Variants in TNFRSF25 observed in about 807,000 individuals in gnomAD.
TNFRSF25 encodes the protein TNF receptor superfamily member 25.
Under a neutral mutation model 49.4 loss-of-function variants are expected in TNFRSF25, and 28 were observed. The ratio of observed to expected loss-of-function variants is 0.57; its 90% confidence interval spans 0.42 to 0.78. The LOEUF (loss-of-function observed/expected upper bound fraction) is 0.78. TNFRSF25 is among the 30% of genes least tolerant of loss of function. TNFRSF25 has a pLI of 0.00. For missense variants in TNFRSF25, 531 were observed against 581.6 expected (o/e 0.91, Z 0.90); for synonymous variants, 240 against 234.2 (o/e 1.02, Z -0.23).
At chr1:6,465,916 A>C in intron 1 of TNFRSF25, 153 bp downstream of exon 1, 1 of 1,434,722 alleles carries the variant, frequency 7.0e-7, no homozygotes, top group Non-Finnish European at 9.1e-7. Flanking sequence ...TGGAAGGGCT[A>C]CGCCCTGGAG....
chr1:6,465,537 C>T lies in TNFRSF25; in HGVS notation c.63G>A (p.Gly21=), dbSNP rs767152475. 5.0e-6 allele frequency: 8 copies of T among 1,613,454 alleles called. No individual in the cohort carries two copies. The highest frequency in any genetic ancestry group is 5.9e-6 in the Non-Finnish European group (7 of 1,179,892). ...VAAALLLVLL[G]ARAQGGTRSP... is the part of the protein sequence containing the mutation. The stretch of plus-strand genomic sequence containing the variant: ...TACGAGTGCCGCCCTGGGCCCGGGC[C>T]CCCAGCAGCACCAGGAGGAGCGCCT... Residue 21 remains glycine, a synonymous_variant, in exon 2 of 10, where the codon GGG becomes GGA. Transcript: ENST00000356876.
In TNFRSF25 at chr1:6,461,975, G is replaced by A; in HGVS notation, c.925+19C>T. 6.3e-7 allele frequency: 1 copy of A among 1,590,640 alleles called. No homozygotes were observed. Among genetic ancestry groups the A allele is most frequent in the Non-Finnish European group, 8.5e-7 (1 of 1,170,372 alleles). On this transcript the variant is annotated intron_variant, in intron 9 of 9. Coordinates refer to ENST00000356876, the MANE Select transcript of TNFRSF25 (RefSeq NM_003790.3). This position sits in a 1 kb window ranked among gnomAD's most constrained non-coding sequence, Gnocchi z 6.3. Reference sequence around the variant, plus strand: ...ACAGGAGAATGGGGTCAAGGCCTCAGGCCACTGATGTCCCTTACCAAGAGC... The same window carrying A: ...ACAGGAGAATGGGGTCAAGGCCTCAAGCCACTGATGTCCCTTACCAAGAGC...
rs1331069258 is a variant in TNFRSF25 at position 6,464,728 on chromosome 1, G to A, written c.296-9C>T. The A allele has an allele frequency of 3.1e-6, 5 of 1,611,334 alleles. No individual in the cohort carries two copies. The highest frequency in any genetic ancestry group is 3.3e-5 in the Admixed American group (2 of 59,990). On this transcript the variant is annotated splice_polypyrimidine_tract_variant and intron_variant, in intron 3 of 9. Coordinates refer to ENST00000356876, the MANE Select transcript of TNFRSF25 (RefSeq NM_003790.3). ...CAGCGCCACCTGGGAGGCTGGTGGGGGTGCAGGGAGATGGGGAGTGGAGAG... is the reference window on the plus strand; with the variant it reads ...CAGCGCCACCTGGGAGGCTGGTGGGAGTGCAGGGAGATGGGGAGTGGAGAG...
Position 6,461,886 on chromosome 1 carries a change from G to A in TNFRSF25, c.925+108C>T, listed in dbSNP as rs974990481. 6.6e-5 allele frequency: 97 copies of A among 1,477,914 alleles called. No individual in the cohort carries two copies. Among genetic ancestry groups the A allele is most frequent in the Non-Finnish European group, 7.7e-5 (86 of 1,117,138 alleles). The allele number at this position is 1,477,914 out of a possible 1,614,324, so 91.6% of individuals were successfully genotyped here. ...TGGATCCGGTGGGTCAGGGCATAGG[G>A]CGGACTCCGTCAGTTAGGGGGCAGA... is the stretch of plus-strand genomic sequence containing the variant. On this transcript the variant is annotated intron_variant, in intron 9 of 9. Transcript: ENST00000356876. This position sits in a 1 kb window ranked among gnomAD's most constrained non-coding sequence, Gnocchi z 6.3.
intron 1 of TNFRSF25, 118 bp from the exon 2 acceptor site, chr1:6,465,678 C>A: frequency 1.4e-6 from 2 of 1,474,104 alleles, no homozygotes; most frequent in Non-Finnish European, 1.8e-6. Context: ...ACTTCCCAGG[C>A]CCCGGGCAGA....
In TNFRSF25 at chr1:6,461,981, TG is replaced by T. The variant is rs775847220; in HGVS notation, c.925+12del. On this transcript the variant is annotated intron_variant, in intron 9 of 9. Transcript: ENST00000356876. The surrounding 1 kb of genome is among the most constrained non-coding windows in gnomAD (Gnocchi z 6.3). ...GAATGGGGTCAAGGCCTCAGGCCAC[TG>T]ATGTCCCTTACCAAGAGCTCTGCTG... The T allele has an allele frequency of 2.5e-6, 4 of 1,596,324 alleles. No homozygotes were observed. In the East Asian group the frequency reaches 8.9e-5, roughly 36 times the overall value.
rs1644179343 is a variant in TNFRSF25 at position 6,461,745 on chromosome 1, T to G, written c.943A>C (p.Thr315Pro). 17 of 1,534,532 alleles carry G rather than the reference T, an allele frequency of 1.1e-5. No individual in the cohort carries two copies. The highest frequency in any genetic ancestry group is 1.5e-5 in the Non-Finnish European group (17 of 1,144,296). ...CCGGCTGGGGACTCTGGCGAGAGTGTGGGCGCAGCAGCGGGGCCTGGGGCA... is the reference window on the plus strand; with the variant it reads ...CCGGCTGGGGACTCTGGCGAGAGTGGGGGCGCAGCAGCGGGGCCTGGGGCA... ...SRALGPAAAP[T>P]LSPESPAGSP... is the part of the protein sequence containing the mutation. Residue 315 changes from threonine to proline, a missense_variant, in exon 10 of 10, where the codon ACA becomes CCA. Physicochemically the swap from Thr to Pro is conservative, Grantham distance 38. Transcript: ENST00000356876. This position sits in a 1 kb window ranked among gnomAD's most constrained non-coding sequence, Gnocchi z 6.3.
chr1:6,465,919 C>T, intron 1 of TNFRSF25, 150 bp downstream of exon 1: 1 of 1,443,714 alleles, frequency 6.9e-7, no homozygotes, highest in African/African-American at 1.5e-5. Flanking sequence ...AAGGGCTACG[C>T]CCTGGAGGAG....
intron 5 of TNFRSF25, chr1:6,463,789 T>A (rs1282629451): frequency 7.2e-6 from 1 of 139,018 alleles, no homozygotes; most frequent in Non-Finnish European, 1.5e-5. Context: ...TTACCTCTGA[T>A]CAAAGGCCTG....
At chr1:6,464,797 C>G in intron 3 of TNFRSF25, 78 bp from the exon 4 acceptor site, 1 of 1,526,268 alleles carries the variant, frequency 6.6e-7, no homozygotes. Context: ...GAGGCATTAT[C>G]CCAAGATAAT....
In TNFRSF25 at chr1:6,461,415, G is replaced by C. The variant is rs572948152; in HGVS notation, c.*19C>G. Reference sequence around the variant, plus strand: ...CTGCAAGGGCCACCAGAGCGCCTAGGTGGCAAGTGGGCGCCGTGTCACGGG... The same window carrying C: ...CTGCAAGGGCCACCAGAGCGCCTAGCTGGCAAGTGGGCGCCGTGTCACGGG... On this transcript the variant is annotated 3_prime_UTR_variant, in exon 10 of 10. Coordinates refer to ENST00000356876, the MANE Select transcript of TNFRSF25 (RefSeq NM_003790.3). This position sits in a 1 kb window ranked among gnomAD's most constrained non-coding sequence, Gnocchi z 6.3. 37 of 1,486,404 alleles carry C rather than the reference G, an allele frequency of 2.5e-5. No homozygotes were observed. In the South Asian group the frequency reaches 4.9e-4, roughly 20 times the overall value. The allele number at this position is 1,486,404 out of a possible 1,614,324, so 92.1% of individuals were successfully genotyped here. A position where few individuals can be genotyped will look rare whatever the true frequency, so the allele number is the denominator to read the frequency against.
At chr1:6,464,821 G>A in intron 3 of TNFRSF25, 102 bp from the exon 4 acceptor site, 2 of 1,427,508 alleles carry the variant, frequency 1.4e-6, no homozygotes, top group South Asian at 2.6e-5. Flanking sequence ...GACAGAAATA[G>A]GCGAAAGACA....
intron 3 of TNFRSF25, 69 bp from the exon 4 acceptor site, chr1:6,464,788 A>G: frequency 6.4e-7 from 1 of 1,554,384 alleles, no homozygotes. Flanking sequence ...GGAGAGGCAG[A>G]GGCATTATCC....
Position 6,461,118 on chromosome 1 carries a change from A to G in TNFRSF25, c.*316T>C. On this transcript the variant is annotated 3_prime_UTR_variant, in exon 10 of 10. Coordinates refer to ENST00000356876, the MANE Select transcript of TNFRSF25 (RefSeq NM_003790.3). The surrounding 1 kb of genome is among the most constrained non-coding windows in gnomAD (Gnocchi z 6.3). ...CCTCGAGAAAAGTCCAGTCCACTTAACACCCCAGCCCCGCAGAAACGCCAA... is the reference window on the plus strand; with the variant it reads ...CCTCGAGAAAAGTCCAGTCCACTTAGCACCCCAGCCCCGCAGAAACGCCAA... 1 of 586,250 alleles carries G rather than the reference A, an allele frequency of 1.7e-6. No individual in the cohort carries two copies. The highest frequency in any genetic ancestry group is 3.3e-6 in the Non-Finnish European group (1 of 302,742). 36.3% of individuals were successfully genotyped at this position (586,250 alleles called of 1,614,324 possible).
Position 6,465,232 on chromosome 1 carries a change from C to A in TNFRSF25, c.161-10G>T. On this transcript the variant is annotated splice_polypyrimidine_tract_variant and intron_variant, in intron 2 of 9. Transcript: ENST00000356876. ...GCCTTCAGGTAGTGCCCTGTGGAAC[C>A]AGGCAGGGGTCAGGCAGGCAGAGGG... is the stretch of plus-strand genomic sequence containing the variant. 1 of 1,604,504 alleles carries A rather than the reference C, an allele frequency of 6.2e-7. No homozygotes were observed. Among genetic ancestry groups the A allele is most frequent in the Non-Finnish European group, 8.5e-7 (1 of 1,176,048 alleles).
intron 5 of TNFRSF25, chr1:6,463,518 T>A (rs3138155): frequency 0.12 from 24,176 of 207,986 alleles, 2,098 homozygotes; most frequent in African/African-American, 0.27. Flanking sequence ...CGAGGTCAGG[T>A]GATCAAGACC....
At chr1:6,466,014 G>C in intron 1 of TNFRSF25, 55 bp downstream of exon 1, 1 of 1,540,096 alleles carries the variant, frequency 6.5e-7, no homozygotes, top group Middle Eastern at 1.7e-4. Context: ...TTCCTTCACC[G>C]AGGCTCTTGG....
chr1:6,465,943 C>T (rs546881168), intron 1 of TNFRSF25, 126 bp downstream of exon 1: 3 of 1,457,298 alleles, frequency 2.1e-6, no homozygotes, highest in East Asian at 2.7e-5. Flanking sequence ...TTAACGAGAT[C>T]GGAAAGGGCG....
At position 6,461,503 on chromosome 1, in the gene TNFRSF25, C is replaced by G; in HGVS notation, c.1185G>C (p.Ala395=). The change falls in exon 10 of 10, where the codon GCG becomes GCC. Residue 395 remains alanine, a synonymous_variant. Coordinates refer to ENST00000356876, the MANE Select transcript of TNFRSF25 (RefSeq NM_003790.3). This position sits in a 1 kb window ranked among gnomAD's most constrained non-coding sequence, Gnocchi z 6.3. ...CGTCCAGCCCCATGCGCTCCAGGGC[C>G]GCGTAAACGGCTCCGAGGCCCGCGG... is the stretch of plus-strand genomic sequence containing the variant. ...QQPAGLGAVY[A]ALERMGLDGC... is the part of the protein sequence containing the mutation. The G allele has an allele frequency of 6.3e-7, 1 of 1,595,600 alleles. No homozygotes were observed.
Sources: gnomAD v4.1 joint callset for allele counts on GRCh38, gnomAD v4.1.1 for gene constraint, Gnocchi (gnomAD v3.1) non-coding constraint, MANE v1.5 for transcripts, NCBI Gene and HGNC (gene_info 2026-07-23, HGNC 2026-07-21) for gene names.